Variants in SBF2 observed in about 807,000 individuals in gnomAD.
SBF2 encodes myotubularin-related protein 13.
In SBF2, 112 loss-of-function variants were observed where a neutral mutation model predicts 225.2. The ratio of observed to expected loss-of-function variants is 0.50; its 90% CI spans 0.43 to 0.58. The LOEUF is 0.58. SBF2 is among the 20% of genes least tolerant of loss of function. The probability of loss-of-function intolerance (pLI) is 0.00; values close to 1 mark genes in which losing one functional copy is unlikely to be tolerated. For synonymous variants in SBF2, 763 were observed against 773.3 expected, an observed-to-expected ratio of 0.99 and a Z score of 0.22; for missense variants, 1,996 against 2,206.2, an observed-to-expected ratio of 0.90 and a Z score of 1.91.
intron 6 of SBF2, among the ~76,000 whole-genome samples, chr11:10,017,741 T>C (rs960661635): frequency 2.9e-4 from 44 of 152,176 alleles, no homozygotes; most frequent in African/African-American, 1.1e-3. Context: ...GAATTAAATA[T>C]ATTTTACACA....
intron 7 of SBF2, among the ~76,000 whole-genome samples, chr11:10,002,287 T>C (rs767849570): frequency 3.9e-5 from 6 of 152,202 alleles, no homozygotes; most frequent in Non-Finnish European, 7.3e-5. Flanking sequence ...TCAAATAGCA[T>C]TGACTAGACA....
At chr11:10,280,448 A>T (rs925952217) in intron 1 of SBF2, among the ~76,000 whole-genome samples, 3 of 152,204 alleles carry the variant, frequency 2.0e-5, no homozygotes, top group Non-Finnish European at 2.9e-5. Flanking sequence ...ATACATTTTT[A>T]AAAACTCTCA....
At chr11:9,802,118 G>A (rs967144233) in intron 32 of SBF2, among the ~76,000 whole-genome samples, 1 of 152,066 alleles carries the variant, frequency 6.6e-6, no homozygotes, top group Admixed American at 6.6e-5. Flanking sequence ...CTTTCTTCAC[G>A]TTTTCATTCA....
chr11:9,786,859 G>A (rs1207910868), intron 36 of SBF2, among the ~76,000 whole-genome samples: 1 of 152,220 alleles, frequency 6.6e-6, no homozygotes, highest in East Asian at 1.9e-4. Context: ...AATGGGGTAT[G>A]AGAAGCAGAA....
chr11:9,812,447 T>G (rs900298067), intron 30 of SBF2, 85 bp downstream of exon 30: 1 of 1,431,132 alleles, frequency 7.0e-7, no homozygotes, highest in Non-Finnish European at 9.7e-7. Flanking sequence ...GAACAAAGTA[T>G]TTTTTTTCTC....
intron 22 of SBF2, among the ~76,000 whole-genome samples, chr11:9,847,367 C>G (rs560508501): frequency 6.6e-6 from 1 of 152,228 alleles, no homozygotes; most frequent in East Asian, 1.9e-4. Flanking sequence ...AAGTTAGAGA[C>G]AAGTGACTTG....
At chr11:10,223,313 A>G (rs1223567819) in intron 1 of SBF2, among the ~76,000 whole-genome samples, 4 of 149,640 alleles carry the variant, frequency 2.7e-5, no homozygotes, top group South Asian at 2.1e-4. Flanking sequence ...AAATCTGCAC[A>G]TAACTTTTAA....
At chr11:9,890,164 C>G (rs571014257) in intron 17 of SBF2, among the ~76,000 whole-genome samples, 4 of 152,164 alleles carry the variant, frequency 2.6e-5, no homozygotes, top group African/African-American at 7.2e-5. Flanking sequence ...CTCGGCCTCC[C>G]GAAGTGCTGG....
intron 1 of SBF2, chr11:10,302,717 G>C (rs1260427058): frequency 1.3e-5 from 2 of 152,326 alleles, no homozygotes; most frequent in East Asian, 3.9e-4. Context: ...CACAGCTCAA[G>C]TTTCCCCCAC....
intron 1 of SBF2, among the ~76,000 whole-genome samples, chr11:10,227,545 G>C (rs542709215): frequency 6.6e-6 from 1 of 152,302 alleles, no homozygotes; most frequent in Admixed American, 6.5e-5. Context: ...CATATGACTA[G>C]CCAGTTTTCC....
intron 32 of SBF2, 21 bp downstream of exon 32, chr11:9,807,979 A>C: frequency 6.2e-7 from 1 of 1,611,332 alleles, no homozygotes; most frequent in Non-Finnish European, 8.5e-7. Context: ...TATCAAGTCA[A>C]CTCAAGCTTG....
chr11:9,897,977 T>C (rs1171981548), intron 16 of SBF2, among the ~76,000 whole-genome samples: 1 of 152,058 alleles, frequency 6.6e-6, no homozygotes, highest in African/African-American at 2.4e-5. Context: ...GTGAGGGTGG[T>C]GAGAACTAAC....
chr11:10,008,627 C>T lies in SBF2; in HGVS notation c.620-5938G>A, dbSNP rs181088444. Among the ~76,000 whole-genome samples the T allele has an allele frequency of 2.5e-3, 379 of 152,328 alleles. 2 individuals carry two copies. The highest frequency in any genetic ancestry group is 3.6e-3 in the Non-Finnish European group (244 of 68,034). ...TATGAGAAGCCAGGCCACTGGAAGGCCAACTGCATCAATGGGACAGATGGG... is the reference window on the plus strand; with the variant it reads ...TATGAGAAGCCAGGCCACTGGAAGGTCAACTGCATCAATGGGACAGATGGG... On this transcript the variant is annotated intron_variant, in intron 6 of 39. Coordinates refer to ENST00000256190, the MANE Select transcript of SBF2 (RefSeq NM_030962.4).
chr11:9,851,950 T>G (rs1185869803), intron 21 of SBF2, among the ~76,000 whole-genome samples: 1 of 152,126 alleles, frequency 6.6e-6, no homozygotes, highest in Non-Finnish European at 1.5e-5. Flanking sequence ...TTACATTATT[T>G]TTTGTAGAGA....
At chr11:10,189,699 T>G (rs934771904) in intron 2 of SBF2, among the ~76,000 whole-genome samples, 1 of 152,172 alleles carries the variant, frequency 6.6e-6, no homozygotes, top group Non-Finnish European at 1.5e-5. Context: ...CTTCTCTTTT[T>G]CAAGCCACAA....
At chr11:9,936,436 A>T (rs1455050897) in intron 16 of SBF2, among the ~76,000 whole-genome samples, 1 of 152,244 alleles carries the variant, frequency 6.6e-6, no homozygotes, top group Middle Eastern at 3.2e-3. Context: ...CATTTCACCC[A>T]GCAATCCCAT....
At chr11:10,043,451 A>G (rs1279516260) in intron 2 of SBF2, among the ~76,000 whole-genome samples, 1 of 152,228 alleles carries the variant, frequency 6.6e-6, no homozygotes, top group Admixed American at 6.5e-5. Context: ...TCCATAAAAC[A>G]TACTTCAACA....
intron 2 of SBF2, among the ~76,000 whole-genome samples, chr11:10,128,073 TA>T (rs1953845107): frequency 6.6e-6 from 1 of 152,224 alleles, no homozygotes; most frequent in African/African-American, 2.4e-5. Flanking sequence ...AAGTGTCTGA[TA>T]CTATTTAGCC....
At chr11:10,005,360 G>A (rs552300000) in intron 6 of SBF2, among the ~76,000 whole-genome samples, 16 of 152,172 alleles carry the variant, frequency 1.1e-4, no homozygotes, top group Non-Finnish European at 1.9e-4. Context: ...TTGTGCATGC[G>A]GAGTGCCCAC....
Sources: gnomAD v4.1 joint callset for allele counts (sites outside exome capture counted in the v4.1 genomes callset) on GRCh38, gnomAD v4.1.1 for gene constraint, MANE v1.5 for transcripts, NCBI Gene and HGNC (gene_info 2026-07-23, HGNC 2026-07-21) for gene names.